Variants in TVP23B observed in about 807,000 individuals in gnomAD.
The protein encoded by TVP23B is Golgi apparatus membrane protein TVP23 homolog B.
A neutral mutation model predicts 30.6 loss-of-function variants in TVP23B; 10 were observed. The ratio of observed to expected loss-of-function variants is 0.33; its 90% CI spans 0.20 to 0.55. The LOEUF (loss-of-function observed/expected upper bound fraction) is 0.55. Ranked by LOEUF, TVP23B falls within the 20% of genes least tolerant of loss-of-function variation. The pLI, the probability that TVP23B is intolerant of heterozygous loss-of-function variation, is 0.91. For synonymous variants in TVP23B, 67 were observed against 83.1 expected, an observed-to-expected ratio of 0.81 and a Z score of 1.06; for missense variants, 153 against 243.2, an observed-to-expected ratio of 0.63 and a Z score of 2.47.
At chr17:18,788,163 C>CA (rs930692075) in intron 1 of TVP23B, among the ~76,000 whole-genome samples, 18 of 150,224 alleles carry the variant, frequency 1.2e-4, no homozygotes, top group South Asian at 6.3e-4. Flanking sequence ...CCTGTCTCTA[C>CA]AAAAAAAAAT....
At chr17:18,803,085 T>A (rs572507422) in intron 5 of TVP23B, among the ~76,000 whole-genome samples, 12 of 152,204 alleles carry the variant, frequency 7.9e-5, no homozygotes, top group Admixed American at 6.5e-4. Flanking sequence ...CAGCTATACA[T>A]CTTGTTAAGG....
At chr17:18,797,933 T>G (rs1290415955) in intron 4 of TVP23B, among the ~76,000 whole-genome samples, 2 of 151,686 alleles carry the variant, frequency 1.3e-5, no homozygotes, top group Non-Finnish European at 2.9e-5. Context: ...TGTCAGGGAT[T>G]GCTGATAAAA....
chr17:18,799,132 A>T (rs1260622727), intron 5 of TVP23B, 189 bp downstream of exon 5: 2 of 388,778 alleles, frequency 5.1e-6, no homozygotes, highest in Admixed American at 5.8e-5. Flanking sequence ...ATCCTAAAAA[A>T]CCCCTTCCCA....
intron 2 of TVP23B, among the ~76,000 whole-genome samples, chr17:18,790,307 A>T (rs573542224): frequency 3.3e-5 from 5 of 152,000 alleles, no homozygotes; most frequent in East Asian, 1.9e-4. Context: ...TACTAAAAAT[A>T]CAAAAAATTA....
At chr17:18,785,012 A>T (rs1479611299) in intron 1 of TVP23B, among the ~76,000 whole-genome samples, 2 of 152,150 alleles carry the variant, frequency 1.3e-5, no homozygotes, top group Non-Finnish European at 2.9e-5. Context: ...ATGTACTTGG[A>T]ATCTATTTTT....
intron 1 of TVP23B, chr17:18,781,639 C>T (rs150683981): frequency 0.069 from 26,661 of 384,818 alleles, 1,070 homozygotes; most frequent in Admixed American, 0.098. Flanking sequence ...TCTTAGCTTC[C>T]TGACACCCAG....
At chr17:18,783,812 A>G (rs2035852609) in intron 1 of TVP23B, among the ~76,000 whole-genome samples, 1 of 152,198 alleles carries the variant, frequency 6.6e-6, no homozygotes, top group African/African-American at 2.4e-5. Flanking sequence ...ACGTTTGCTC[A>G]CATCAACATA....
intron 1 of TVP23B, among the ~76,000 whole-genome samples, chr17:18,785,124 CCTT>C (rs570576535): frequency 5.3e-4 from 80 of 152,032 alleles, no homozygotes; most frequent in East Asian, 2.9e-3. Flanking sequence ...TTTTGTCCCT[CCTT>C]CTTCTCCCCT....
chr17:18,782,526 G>A (rs2035823788), intron 1 of TVP23B: 1 of 151,486 alleles, frequency 6.6e-6, no homozygotes, highest in South Asian at 2.1e-4. Flanking sequence ...AAAAAGTCTT[G>A]GATCAGGCAA....
In TVP23B at chr17:18,804,140, G is replaced by C. The variant is rs376339317; in HGVS notation, c.465G>C (p.Ala155=). The C allele has an allele frequency of 1.2e-6, 2 of 1,613,728 alleles. No homozygotes were observed. The highest frequency in any genetic ancestry group is 2.7e-5 in the African/African-American group (2 of 74,920). ...GATTATTTTTTCCCTTGTCCCAGGCGGTGGTTATCATGGGTGTGGTGCTAC... is the reference window on the plus strand; with the variant it reads ...GATTATTTTTTCCCTTGTCCCAGGCCGTGGTTATCATGGGTGTGGTGCTAC... ...ALFSFRVKWL[A]VVIMGVVLQG... The change falls in exon 6 of 7, where the codon GCG becomes GCC. Residue 155 remains alanine (A), a splice_region_variant and synonymous_variant. Coordinates refer to ENST00000307767, the MANE Select transcript of TVP23B (RefSeq NM_016078.6).
At chr17:18,801,985 G>A (rs1218563487) in intron 5 of TVP23B, among the ~76,000 whole-genome samples, 1 of 148,642 alleles carries the variant, frequency 6.7e-6, no homozygotes, top group Non-Finnish European at 1.5e-5. Context: ...ACTTTGGGAG[G>A]GCCAAGGCGG....
chr17:18,797,264 A>G, intron 3 of TVP23B: 1 of 296,628 alleles, frequency 3.4e-6, no homozygotes, highest in Non-Finnish European at 6.5e-6. Flanking sequence ...AGGTCACAGT[A>G]ACCAAATAGC....
At chr17:18,786,097 CTACTT>C (rs1189361867) in intron 1 of TVP23B, among the ~76,000 whole-genome samples, 1 of 152,206 alleles carries the variant, frequency 6.6e-6, no homozygotes, top group Non-Finnish European at 1.5e-5. Context: ...TCTCTCATCT[CTACTT>C]TGCTTGTTTC....
At chr17:18,787,898 T>C (rs1049187175) in intron 1 of TVP23B, among the ~76,000 whole-genome samples, 28 of 152,108 alleles carry the variant, frequency 1.8e-4, no homozygotes, top group Non-Finnish European at 3.7e-4. Context: ...ATTGGGAGGA[T>C]TGCTCTGGGT....
intron 3 of TVP23B, chr17:18,796,056 T>C (rs1354019293): frequency 6.7e-6 from 1 of 149,840 alleles, no homozygotes; most frequent in Non-Finnish European, 1.5e-5. Flanking sequence ...GTGGCAGGTC[T>C]AATAACTACT....
intron 3 of TVP23B, chr17:18,796,989 A>C (rs1254341863): frequency 1.9e-5 from 3 of 155,174 alleles, no homozygotes; most frequent in African/African-American, 7.2e-5. Flanking sequence ...ACATTTGTGC[A>C]TTGGTTGTCT....
chr17:18,785,899 G>A (rs1297334407), intron 1 of TVP23B, among the ~76,000 whole-genome samples: 4 of 151,988 alleles, frequency 2.6e-5, no homozygotes, highest in African/African-American at 7.3e-5. Flanking sequence ...TTGCTACTGC[G>A]GCAGTGAAGT....
At chr17:18,784,966 C>CAG (rs1270814284) in intron 1 of TVP23B, among the ~76,000 whole-genome samples, 7 of 152,244 alleles carry the variant, frequency 4.6e-5, no homozygotes, top group Admixed American at 3.9e-4. Flanking sequence ...CCTCCCCAGT[C>CAG]AGTCCATCAG....
At chr17:18,805,234 G>A (rs1271597882) in intron 6 of TVP23B, among the ~76,000 whole-genome samples, 1 of 151,688 alleles carries the variant, frequency 6.6e-6, no homozygotes, top group Non-Finnish European at 1.5e-5. Context: ...GACTACAGGC[G>A]CCGCCACCAC....
Sources: gnomAD v4.1 joint callset for allele counts (sites outside exome capture counted in the v4.1 genomes callset) on GRCh38, gnomAD v4.1.1 for gene constraint, MANE v1.5 for transcripts, NCBI Gene and HGNC (gene_info 2026-07-23, HGNC 2026-07-21) for gene names.